RANBP2: variants seen among roughly 807,000 people sequenced by gnomAD.
RANBP2 encodes the protein E3 SUMO-protein ligase RanBP2.
RANBP2 carries 57 observed loss-of-function variants against 303.6 expected under a neutral mutation model. That is an observed-to-expected ratio of 0.19 (90% CI 0.15 to 0.23). The LOEUF (loss-of-function observed/expected upper bound fraction) is 0.23, where lower values mean the gene tolerates loss of function less well. Among genes scored for constraint, RANBP2 ranks in the 10% least tolerant of loss-of-function variants. The probability of loss-of-function intolerance (pLI) is 1.00; values close to 1 mark genes in which losing one functional copy is unlikely to be tolerated. For missense variants in RANBP2, 3,138 were observed against 3,780.8 expected (o/e 0.83, Z 4.46); for synonymous variants, 1,167 against 1,301.5 (o/e 0.90, Z 2.23).
the RANBP2 span, among the ~76,000 whole-genome samples, chr2:108,963,146 G>A: frequency 1.4e-4 from 21 of 152,178 alleles, no homozygotes; most frequent in Non-Finnish European, 2.5e-4. Flanking sequence ...CCACTTGACT[G>A]TGTGCACGAG....
chr2:109,284,900 T>C, the RANBP2 span, among the ~76,000 whole-genome samples: 1,224 of 152,378 alleles, frequency 8.0e-3, 12 homozygotes, highest in East Asian at 0.038. Context: ...AAATCCACAC[T>C]GGGCTCGTCT....
chr2:108,910,936 G>A, the RANBP2 span: 2 of 1,614,000 alleles, frequency 1.2e-6, no homozygotes, highest in Admixed American at 1.7e-5. Flanking sequence ...CCGGCGCATG[G>A]GGGCCGTCAC....
the RANBP2 span, chr2:109,567,863 C>A: frequency 1.9e-6 from 3 of 1,613,192 alleles, no homozygotes; most frequent in Admixed American, 1.7e-5. Context: ...CCGTTGGGAA[C>A]TGGTATATCT....
chr2:108,992,664 C>T, the RANBP2 span, among the ~76,000 whole-genome samples: 1 of 152,226 alleles, frequency 6.6e-6, no homozygotes, highest in African/African-American at 2.4e-5. Flanking sequence ...AATCCTAACA[C>T]AGTGTGTGTA....
At chr2:109,076,965 A>G in the RANBP2 span, among the ~76,000 whole-genome samples, 1 of 150,584 alleles carries the variant, frequency 6.6e-6, no homozygotes, top group African/African-American at 2.4e-5. Flanking sequence ...AGAAAGTTAG[A>G]GTCATTGCAC....
the RANBP2 span, among the ~76,000 whole-genome samples, chr2:109,402,835 G>A: frequency 6.6e-5 from 10 of 152,168 alleles, no homozygotes; most frequent in African/African-American, 1.7e-4. Flanking sequence ...GCATGGTATC[G>A]TCCCTGGTAG....
the RANBP2 span, among the ~76,000 whole-genome samples, chr2:109,638,406 C>A: frequency 6.6e-6 from 1 of 152,306 alleles, no homozygotes; most frequent in Non-Finnish European, 1.5e-5. Context: ...TCAGAGCAAG[C>A]TCAGGTTCCA....
At chr2:109,070,878 A>G in the RANBP2 span, among the ~76,000 whole-genome samples, 46 of 144,026 alleles carry the variant, frequency 3.2e-4, no homozygotes, top group Non-Finnish European at 6.2e-4. Flanking sequence ...AAAAAAAAAT[A>G]GAGTGCGGCA....
At chr2:109,462,725 A>T in the RANBP2 span, among the ~76,000 whole-genome samples, 1 of 152,186 alleles carries the variant, frequency 6.6e-6, no homozygotes, top group South Asian at 2.1e-4. Context: ...CCTGCTGCTG[A>T]GTACGTCTAG....
chr2:109,610,181 C>G, the RANBP2 span, among the ~76,000 whole-genome samples: 2 of 151,894 alleles, frequency 1.3e-5, 1 homozygote, highest in South Asian at 4.2e-4. Context: ...CTCCACCTCT[C>G]AGGTTCAAGT....
chr2:109,586,799 A>C, the RANBP2 span, among the ~76,000 whole-genome samples: 2 of 152,174 alleles, frequency 1.3e-5, no homozygotes, highest in Admixed American at 6.5e-5. Flanking sequence ...TTTTAGGAGT[A>C]AGGTCCATAA....
the RANBP2 span, chr2:109,574,507 C>A: frequency 1.2e-6 from 1 of 827,158 alleles, no homozygotes; most frequent in South Asian, 4.3e-5. Context: ...AATATATATC[C>A]ATATTGTAAA....
chr2:109,234,780 T>A, the RANBP2 span, among the ~76,000 whole-genome samples: 2 of 152,190 alleles, frequency 1.3e-5, no homozygotes, highest in Non-Finnish European at 2.9e-5. Context: ...ACAAATTACA[T>A]CTTCACACCT....
chr2:109,026,945 G>A, the RANBP2 span, among the ~76,000 whole-genome samples: 2 of 151,924 alleles, frequency 1.3e-5, no homozygotes, highest in African/African-American at 4.8e-5. Flanking sequence ...AAATAAAAAA[G>A]AACCTCTGAA....
the RANBP2 span, among the ~76,000 whole-genome samples, chr2:109,202,108 G>A: frequency 6.6e-6 from 1 of 152,186 alleles, no homozygotes; most frequent in Non-Finnish European, 1.5e-5. Flanking sequence ...GGCGATCTCG[G>A]CCACTTTCTC....
At chr2:108,830,239 G>T in the RANBP2 span, among the ~76,000 whole-genome samples, 1 of 152,152 alleles carries the variant, frequency 6.6e-6, no homozygotes, top group African/African-American at 2.4e-5. Context: ...TAGAATGGTG[G>T]TTACCAAGGG....
chr2:109,526,575 G>A, the RANBP2 span, among the ~76,000 whole-genome samples: 4 of 152,142 alleles, frequency 2.6e-5, no homozygotes, highest in Non-Finnish European at 4.4e-5. Flanking sequence ...GTCTCCCAAA[G>A]TGCTCGGATT....
chr2:109,474,681 C>G, the RANBP2 span, among the ~76,000 whole-genome samples: 1 of 152,250 alleles, frequency 6.6e-6, no homozygotes, highest in Non-Finnish European at 1.5e-5. Flanking sequence ...GGGCCAGCCC[C>G]TTACTTTTCT....
the RANBP2 span, among the ~76,000 whole-genome samples, chr2:109,393,974 G>C: frequency 6.6e-6 from 1 of 152,046 alleles, no homozygotes; most frequent in Non-Finnish European, 1.5e-5. Context: ...TGAAATTCCA[G>C]GGCTGGCCGC....
Sources: allele counts gnomAD v4.1 joint callset (sites outside exome capture counted in the v4.1 genomes callset), GRCh38; gene constraint gnomAD v4.1.1; transcripts MANE v1.5; gene names NCBI Gene and HGNC (gene_info 2026-07-23, HGNC 2026-07-21).